Variants in WIPI2 observed in about 807,000 individuals in gnomAD.
WIPI2 encodes the protein WD repeat domain phosphoinositide-interacting protein 2.
In WIPI2, 28 loss-of-function variants were observed where a neutral mutation model predicts 52.3. The ratio of observed to expected loss-of-function variants is 0.54; its 90% confidence interval spans 0.40 to 0.73. The LOEUF (loss-of-function observed/expected upper bound fraction) is 0.73, where lower values mean the gene tolerates loss of function less well. Among genes scored for constraint, WIPI2 ranks in the 30% least tolerant of loss-of-function variants. WIPI2 has a pLI of 0.00. For missense variants in WIPI2, 506 were observed against 602.9 expected (o/e 0.84, Z 1.68); for synonymous variants, 268 against 245.0 (o/e 1.09, Z -0.88).
intron 2 of WIPI2, among the ~76,000 whole-genome samples, chr7:5,193,841 C>G (rs1781600719): frequency 6.6e-6 from 1 of 152,136 alleles, no homozygotes; most frequent in South Asian, 2.1e-4. Context: ...GCCTCCAGAG[C>G]ATTGGGATTA....
chr7:5,200,835 C>T (rs1781989791), intron 3 of WIPI2, among the ~76,000 whole-genome samples: 1 of 152,198 alleles, frequency 6.6e-6, no homozygotes. Flanking sequence ...TTTCCTGTTG[C>T]TGCCCCCAAG....
intron 1 of WIPI2, among the ~76,000 whole-genome samples, chr7:5,192,763 C>T (rs973419377): frequency 5.3e-5 from 8 of 152,170 alleles, no homozygotes; most frequent in Non-Finnish European, 8.8e-5. Context: ...CCGGAGAGAG[C>T]TTTTATGGCT....
intron 3 of WIPI2, among the ~76,000 whole-genome samples, chr7:5,208,630 T>C (rs928259724): frequency 1.3e-5 from 2 of 152,188 alleles, no homozygotes; most frequent in African/African-American, 2.4e-5. Flanking sequence ...GAATCAAGGT[T>C]GTTTTTTTCC....
intron 7 of WIPI2, among the ~76,000 whole-genome samples, chr7:5,221,875 A>G (rs991624626): frequency 1.3e-5 from 2 of 152,096 alleles, no homozygotes; most frequent in African/African-American, 2.4e-5. Flanking sequence ...AAGTGGCAGG[A>G]AAGACCTTGG....
chr7:5,193,557 T>G (rs969345746), intron 2 of WIPI2, among the ~76,000 whole-genome samples: 2 of 152,234 alleles, frequency 1.3e-5, no homozygotes, highest in Non-Finnish European at 2.9e-5. Context: ...TTTGTTCATC[T>G]GTAAATCAAG....
At chr7:5,198,458 C>T (rs1177977238) in intron 2 of WIPI2, among the ~76,000 whole-genome samples, 1 of 152,060 alleles carries the variant, frequency 6.6e-6, no homozygotes, top group Non-Finnish European at 1.5e-5. Flanking sequence ...GGATTACAGG[C>T]GCCTTCCACC....
Position 5,231,496 on chromosome 7 carries a change from T to C in WIPI2, c.*549T>C, listed in dbSNP as rs1783723036. 2.0e-5 allele frequency: 3 copies of C among 152,446 alleles called. No individual in the cohort carries two copies. Among genetic ancestry groups the C allele is most frequent in the Admixed American group, 2.0e-4 (3 of 15,296 alleles). The allele number at this position is 152,446 out of a possible 1,614,324, so 9.4% of individuals were successfully genotyped here. A position where few individuals can be genotyped will look rare whatever the true frequency, so the allele number is the denominator to read the frequency against. On this transcript the variant is annotated 3_prime_UTR_variant, in exon 13 of 13. Transcript: ENST00000288828. ...CCTGGACCATTTTCCCTCCGTTTTA[T>C]TTTGTTAATTAAATTCTTTCCAAAT... is the stretch of plus-strand genomic sequence containing the variant.
At chr7:5,191,121 G>C (rs376364073) in intron 1 of WIPI2, among the ~76,000 whole-genome samples, 39 of 152,196 alleles carry the variant, frequency 2.6e-4, no homozygotes, top group East Asian at 1.7e-3. Flanking sequence ...CTGGGTTCAA[G>C]CGATTCTCCT....
Position 5,231,032 on chromosome 7 carries a change from T to A in WIPI2, c.*85T>A. Reference sequence around the variant, plus strand: ...TGCATTGCTGCTATGAACTTTGACCTGAGTCGGGGGAGAGGATGGCAGAGA... The same window carrying A: ...TGCATTGCTGCTATGAACTTTGACCAGAGTCGGGGGAGAGGATGGCAGAGA... On this transcript the variant is annotated 3_prime_UTR_variant, in exon 13 of 13. Transcript: ENST00000288828. The A allele has an allele frequency of 8.6e-7, 1 of 1,168,020 alleles. No homozygotes were observed. The highest frequency in any genetic ancestry group is 1.2e-6 in the Non-Finnish European group (1 of 839,860). The allele number at this position is 1,168,020 out of a possible 1,614,324, so 72.4% of individuals were successfully genotyped here. A position where few individuals can be genotyped will look rare whatever the true frequency, so the allele number is the denominator to read the frequency against.
chr7:5,196,229 C>A (rs1781738536), intron 2 of WIPI2, among the ~76,000 whole-genome samples: 1 of 151,350 alleles, frequency 6.6e-6, no homozygotes, highest in East Asian at 2.0e-4. Context: ...ATCCCAGCTA[C>A]CTGGAACTAC....
chr7:5,223,200 C>T (rs569651108), intron 8 of WIPI2, among the ~76,000 whole-genome samples: 1 of 152,338 alleles, frequency 6.6e-6, no homozygotes, highest in East Asian at 1.9e-4. Flanking sequence ...CAGGACTGTC[C>T]CTCCCTCGTC....
chr7:5,213,014 G>C (rs1268046535), intron 3 of WIPI2: 4 of 152,240 alleles, frequency 2.6e-5, no homozygotes, highest in Non-Finnish European at 5.9e-5. Flanking sequence ...TGTCTGAGTG[G>C]TGCTGCATGC....
chr7:5,197,166 A>C (rs1167589183), intron 2 of WIPI2, among the ~76,000 whole-genome samples: 1 of 149,898 alleles, frequency 6.7e-6, no homozygotes, highest in African/African-American at 2.5e-5. Flanking sequence ...AAATAAACTT[A>C]GCACTACAGT....
chr7:5,222,723 C>T, intron 8 of WIPI2, 51 bp downstream of exon 8: 1 of 1,536,396 alleles, frequency 6.5e-7, no homozygotes, highest in African/African-American at 1.4e-5. Context: ...ATTTGGATTT[C>T]AGTTTTATGT....
In WIPI2 at chr7:5,214,527, G is replaced by T. The variant is rs753728316; in HGVS notation, c.212-8G>T. 5 of 1,614,228 alleles carry T rather than the reference G, an allele frequency of 3.1e-6. No individual in the cohort carries two copies. In the South Asian group the frequency reaches 5.5e-5, roughly 18 times the overall value. ...TGTTCACGCATGTACTTCCCTTTGT[G>T]ATTTCAGCCGATACGGAAGATGTGT... On this transcript the variant is annotated splice_polypyrimidine_tract_variant and splice_region_variant and intron_variant, in intron 3 of 12. Transcript: ENST00000288828.
Position 5,228,118 on chromosome 7 carries a change from C to G in WIPI2, c.1028C>G (p.Pro343Arg). ...ATTCTCCCTAGAATTCAGAAGATCC[C>G]GCGGTTGTTGGTGGGTGCCGCCGAC... ...ICSLATIQKIPRLLVGAADGY... is the reference protein window; with the variant it reads ...ICSLATIQKIRRLLVGAADGY... Residue 343 changes from proline to arginine, a missense_variant, in exon 11 of 13, where the codon CCG (proline) becomes CGG (arginine). Pro to Arg is a moderately radical substitution (Grantham distance 103). Coordinates refer to ENST00000288828, the MANE Select transcript of WIPI2 (RefSeq NM_015610.4). The G allele has an allele frequency of 1.2e-6, 2 of 1,613,920 alleles. No homozygotes were observed. The highest frequency in any genetic ancestry group is 1.7e-6 in the Non-Finnish European group (2 of 1,180,008).
chr7:5,220,309 C>A (rs907289179), intron 7 of WIPI2, among the ~76,000 whole-genome samples: 1 of 148,768 alleles, frequency 6.7e-6, no homozygotes, highest in African/African-American at 2.5e-5. Context: ...GTGGTATGAT[C>A]TCAGCTCACC....
At chr7:5,215,845 TTTTC>T (rs1782785159) in intron 4 of WIPI2, among the ~76,000 whole-genome samples, 2 of 152,264 alleles carry the variant, frequency 1.3e-5, no homozygotes, top group African/African-American at 2.4e-5. Flanking sequence ...TCTACATTCA[TTTTC>T]TTCCAAATGG....
rs762846151 is a variant in WIPI2 at position 5,227,129 on chromosome 7, G to A, written c.849-51G>A. 47 of 1,605,036 alleles carry A rather than the reference G, an allele frequency of 2.9e-5. No homozygotes were observed. The highest frequency in any genetic ancestry group is 3.5e-5 in the Non-Finnish European group (41 of 1,175,436). On this transcript the variant is annotated intron_variant, in intron 9 of 12. Coordinates refer to ENST00000288828, the MANE Select transcript of WIPI2 (RefSeq NM_015610.4). This position sits in a 1 kb window ranked among gnomAD's most constrained non-coding sequence, Gnocchi z 8.1. Reference sequence around the variant, plus strand: ...GCGTCTGTGTGAGTAGGGGGTGGCCGTCCCCCCAGGGAGGGTGCAGCTTCA... The same window carrying A: ...GCGTCTGTGTGAGTAGGGGGTGGCCATCCCCCCAGGGAGGGTGCAGCTTCA...
Sources: allele counts gnomAD v4.1 joint callset (sites outside exome capture counted in the v4.1 genomes callset), GRCh38; gene constraint gnomAD v4.1.1; non-coding constraint Gnocchi (gnomAD v3.1); transcripts MANE v1.5; gene names NCBI Gene and HGNC (gene_info 2026-07-23, HGNC 2026-07-21).